The following UBE4A variants were observed in gnomAD, a reference collection of about 807,000 sequenced individuals.
UBE4A encodes ubiquitin conjugation factor E4 A.
In UBE4A, 48 loss-of-function variants were observed where a neutral mutation model predicts 117.9. The ratio of observed to expected loss-of-function variants is 0.41; its 90% CI spans 0.32 to 0.52. The LOEUF is 0.52. Ranked by LOEUF, UBE4A falls within the 20% of genes least tolerant of loss-of-function variation. The pLI, the probability that UBE4A is intolerant of heterozygous loss-of-function variation, is 0.33. For missense variants in UBE4A, 1,067 were observed against 1,296.3 expected (o/e 0.82, Z 2.72); for synonymous variants, 407 against 450.0 (o/e 0.90, Z 1.21).
chr11:118,380,674 T>C (rs1222542026), intron 11 of UBE4A, among the ~76,000 whole-genome samples: 1 of 152,208 alleles, frequency 6.6e-6, no homozygotes, highest in East Asian at 1.9e-4. Flanking sequence ...CAGGAAGTTA[T>C]ATAGCCAAGC....
rs376556753 is a variant in UBE4A, at chr11:118,390,768, G to A, written c.2880G>A (p.Met960Ile). The change falls in exon 18 of 20, where the codon ATG (methionine) becomes ATA (isoleucine). Residue 960 changes from methionine to isoleucine, a missense_variant. Coordinates refer to ENST00000252108, the MANE Select transcript of UBE4A (RefSeq NM_001204077.2). ...AGAAAATAAATAAGCCTGGGAATAT[G>A]ATTATGGCTTTCAGCAACTTGGCAG... ...VLKKINKPGN[M>I]IMAFSNLAER... The A allele has an allele frequency of 3.1e-6, 5 of 1,610,440 alleles. No homozygotes were observed. Among genetic ancestry groups the A allele is most frequent in the Non-Finnish European group, 3.4e-6 (4 of 1,178,290 alleles).
At chr11:118,373,957 T>TA (rs1450312579) in intron 8 of UBE4A, among the ~76,000 whole-genome samples, 5 of 151,444 alleles carry the variant, frequency 3.3e-5, no homozygotes, top group Non-Finnish European at 5.9e-5. Flanking sequence ...TACAAAAAAA[T>TA]ACAAAACTTA....
At chr11:118,367,933 A>C (rs1393647323) in intron 2 of UBE4A, among the ~76,000 whole-genome samples, 1 of 152,244 alleles carries the variant, frequency 6.6e-6, no homozygotes, top group East Asian at 1.9e-4. Flanking sequence ...ATTTAAAATC[A>C]TGAAATATTA....
chr11:118,373,966 T>G (rs1363453625), intron 8 of UBE4A, among the ~76,000 whole-genome samples: 1 of 151,744 alleles, frequency 6.6e-6, no homozygotes, highest in African/African-American at 2.4e-5. Context: ...ATACAAAACT[T>G]AGGTGGGCAT....
chr11:118,365,559 C>T (rs1393796732), intron 2 of UBE4A, among the ~76,000 whole-genome samples: 1 of 152,066 alleles, frequency 6.6e-6, no homozygotes, highest in African/African-American at 2.4e-5. Context: ...ACATGGGACA[C>T]AGAGGTGGTA....
Position 118,384,619 on chromosome 11 carries a change from T to G in UBE4A, c.2198-16T>G. On this transcript the variant is annotated splice_polypyrimidine_tract_variant and intron_variant, in intron 13 of 19. Coordinates refer to ENST00000252108, the MANE Select transcript of UBE4A (RefSeq NM_001204077.2). The stretch of plus-strand genomic sequence containing the variant: ...GGCACCGCCTTTGCTGATATTTCGC[T>G]CTTGCCTTACTCCAGGAGACCCCCA... 6.2e-7 allele frequency: 1 copy of G among 1,611,226 alleles called. No homozygotes were observed. Among genetic ancestry groups the G allele is most frequent in the Non-Finnish European group, 8.5e-7 (1 of 1,177,504 alleles).
At chr11:118,395,993 T>G (rs1238410068) in intron 19 of UBE4A, among the ~76,000 whole-genome samples, 1 of 151,958 alleles carries the variant, frequency 6.6e-6, no homozygotes, top group Non-Finnish European at 1.5e-5. Context: ...GAGAATAGCT[T>G]TCACCCAGGA....
intron 10 of UBE4A, 134 bp downstream of exon 10, chr11:118,376,828 T>C: frequency 9.3e-7 from 1 of 1,075,134 alleles, no homozygotes; most frequent in African/African-American, 1.6e-5. Flanking sequence ...GGCAGAAGGA[T>C]TGCTTGAGGC....
chr11:118,376,541 T>C, intron 9 of UBE4A, 33 bp from the exon 10 acceptor site: 1 of 1,608,158 alleles, frequency 6.2e-7, no homozygotes, highest in Non-Finnish European at 8.5e-7. Context: ...GACCAAGACA[T>C]TTACCCTCTT....
intron 5 of UBE4A, 63 bp downstream of exon 5, chr11:118,371,729 C>T: frequency 6.6e-7 from 1 of 1,514,916 alleles, no homozygotes; most frequent in Non-Finnish European, 8.9e-7. Context: ...AGCATGTGGG[C>T]CAGAGTTGGA....
At chr11:118,362,709 C>T (rs34405565) in intron 1 of UBE4A, among the ~76,000 whole-genome samples, 27,180 of 152,176 alleles carry the variant, frequency 0.18, 2,975 homozygotes, top group East Asian at 0.51. Flanking sequence ...GATGGCAACT[C>T]TATCTTACTG....
chr11:118,397,320 G>C lies in UBE4A; in HGVS notation c.*880G>C, dbSNP rs1555130005. On this transcript the variant is annotated 3_prime_UTR_variant, in exon 20 of 20. Coordinates refer to ENST00000252108, the MANE Select transcript of UBE4A (RefSeq NM_001204077.2). ...CCCCATGTGCTTTTTTGTTGGTTTA[G>C]TGTAAACTGAGTACCACTTTATATT... is the stretch of plus-strand genomic sequence containing the variant. 6.6e-6 allele frequency: 1 copy of C among 152,156 alleles called. No homozygotes were observed. The highest frequency in any genetic ancestry group is 1.5e-5 in the Non-Finnish European group (1 of 68,028). The allele number at this position is 152,156 out of a possible 1,614,324, so 9.4% of individuals were successfully genotyped here.
At chr11:118,396,217 T>G in intron 19 of UBE4A, 97 bp from the exon 20 acceptor site, 1 of 1,480,628 alleles carries the variant, frequency 6.8e-7, no homozygotes, top group Non-Finnish European at 9.0e-7. Flanking sequence ...GCACTCTGGC[T>G]TCATTCTTAA....
At chr11:118,363,637 A>C (rs925768577) in intron 1 of UBE4A, among the ~76,000 whole-genome samples, 3 of 145,764 alleles carry the variant, frequency 2.1e-5, no homozygotes, top group Non-Finnish European at 4.5e-5. Context: ...TTTGAGACGA[A>C]GTCTCGCTCT....
At chr11:118,392,438 C>T (rs1948827981) in intron 18 of UBE4A, among the ~76,000 whole-genome samples, 1 of 152,210 alleles carries the variant, frequency 6.6e-6, no homozygotes, top group Non-Finnish European at 1.5e-5. Flanking sequence ...AGAACTGTTG[C>T]CAGATGGATG....
chr11:118,372,629 A>T lies in UBE4A; in HGVS notation c.684A>T (p.Gln228His). 1 of 1,614,184 alleles carries T rather than the reference A, an allele frequency of 6.2e-7. No homozygotes were observed. Among genetic ancestry groups the T allele is most frequent in the Non-Finnish European group, 8.5e-7 (1 of 1,180,018 alleles). Reference sequence around the variant, plus strand: ...ATGTTGACCAAAACATCCATGAGCAACTGGTAGATTTGATGTTAGAAGCCA... The same window carrying T: ...ATGTTGACCAAAACATCCATGAGCATCTGGTAGATTTGATGTTAGAAGCCA... Reference protein sequence around the residue: ...EIYVDQNIHEQLVDLMLEAIQ... With the variant: ...EIYVDQNIHEHLVDLMLEAIQ... Residue 228 changes from glutamine to histidine, a missense_variant, in exon 6 of 20, where the codon CAA becomes CAT. Physicochemically the swap from Gln to His is conservative, Grantham distance 24 (BLOSUM62 0). Coordinates refer to ENST00000252108, the MANE Select transcript of UBE4A (RefSeq NM_001204077.2).
At chr11:118,368,285 G>A (rs1029735285) in intron 2 of UBE4A, among the ~76,000 whole-genome samples, 1 of 152,144 alleles carries the variant, frequency 6.6e-6, no homozygotes, top group Non-Finnish European at 1.5e-5. Context: ...CTTAAAATCA[G>A]GGAGAAAAGC....
intron 2 of UBE4A, among the ~76,000 whole-genome samples, chr11:118,368,062 G>A (rs1948578846): frequency 6.6e-6 from 1 of 152,084 alleles, no homozygotes; most frequent in Non-Finnish European, 1.5e-5. Context: ...GGCCTAACAG[G>A]GAAAGGTGTT....
intron 1 of UBE4A, 101 bp from the exon 2 acceptor site, chr11:118,364,939 A>C: frequency 1.8e-6 from 2 of 1,138,188 alleles, no homozygotes; most frequent in Non-Finnish European, 2.3e-6. Context: ...AAGTATTTTA[A>C]AATGTATTGT....
Sources: allele counts gnomAD v4.1 joint callset (sites outside exome capture counted in the v4.1 genomes callset), GRCh38; gene constraint gnomAD v4.1.1; transcripts MANE v1.5; gene names NCBI Gene and HGNC (gene_info 2026-07-23, HGNC 2026-07-21).